HADHB: variants seen among roughly 807,000 people sequenced by gnomAD.
HADHB encodes hydroxyacyl-CoA dehydrogenase trifunctional multienzyme complex subunit beta.
In HADHB, 50 loss-of-function variants were observed where a neutral mutation model predicts 61.9. The ratio of observed to expected loss-of-function variants is 0.81; its 90% CI spans 0.64 to 1.02. The LOEUF (loss-of-function observed/expected upper bound fraction) is 1.02. HADHB is among the 50% of genes least tolerant of loss of function. The probability of loss-of-function intolerance (pLI) is 0.00; values close to 1 mark genes in which losing one functional copy is unlikely to be tolerated. For missense variants in HADHB, 504 were observed against 586.5 expected (o/e 0.86, Z 1.45); for synonymous variants, 191 against 201.6 (o/e 0.95, Z 0.45).
chr2:26,254,250 C>G lies in HADHB; in HGVS notation c.-5C>G, dbSNP rs768350854. On this transcript the variant is annotated 5_prime_UTR_variant, in exon 2 of 16. Transcript: ENST00000317799. The stretch of plus-strand genomic sequence containing the variant: ...ACTTTTGTTCTTCTCTTTTTAGATT[C>G]CAGAATGACTATCTTGACTTACCCC... 8.3e-7 allele frequency: 1 copy of G among 1,201,460 alleles called. No individual in the cohort carries two copies. Among genetic ancestry groups the G allele is most frequent in the South Asian group, 1.2e-5 (1 of 81,938 alleles). The allele number at this position is 1,201,460 out of a possible 1,614,324, so 74.4% of individuals were successfully genotyped here. A position where few individuals can be genotyped will look rare whatever the true frequency, so the allele number is the denominator to read the frequency against.
chr2:26,282,789 A>G, intron 10 of HADHB, 56 bp from the exon 11 acceptor site: 8 of 1,240,038 alleles, frequency 6.5e-6, no homozygotes, highest in Non-Finnish European at 9.5e-6. Context: ...AGATGGCTGG[A>G]GAAAGACCTC....
At chr2:26,270,113 G>A (rs1432939636) in intron 5 of HADHB, 116 bp downstream of exon 5, 3 of 779,044 alleles carry the variant, frequency 3.9e-6, no homozygotes, top group African/African-American at 3.4e-5. Flanking sequence ...ACAAATTTAA[G>A]CAGCTTATGA....
chr2:26,273,555 G>T, intron 5 of HADHB, 96 bp from the exon 6 acceptor site: 1 of 755,978 alleles, frequency 1.3e-6, no homozygotes. Flanking sequence ...TAAATTCAAG[G>T]CTAACCTTTT....
chr2:26,262,591 G>T (rs2147809231), intron 3 of HADHB, among the ~76,000 whole-genome samples: 1 of 152,270 alleles, frequency 6.6e-6, no homozygotes, highest in South Asian at 2.1e-4. Flanking sequence ...CCTAAAGGAA[G>T]TTTGCTTTTT....
At chr2:26,273,166 T>C (rs745753866) in intron 5 of HADHB, among the ~76,000 whole-genome samples, 3 of 152,198 alleles carry the variant, frequency 2.0e-5, no homozygotes, top group Non-Finnish European at 4.4e-5. Context: ...TAGTTTCTAT[T>C]CATGGGCACA....
At chr2:26,257,658 C>T (rs1334136472) in intron 3 of HADHB, among the ~76,000 whole-genome samples, 1 of 151,922 alleles carries the variant, frequency 6.6e-6, no homozygotes, top group Non-Finnish European at 1.5e-5. Context: ...GCAGCCCTAA[C>T]TAAGGCCCAC....
intron 5 of HADHB, among the ~76,000 whole-genome samples, chr2:26,271,117 G>A (rs369296452): frequency 7.4e-4 from 110 of 147,924 alleles, no homozygotes; most frequent in Non-Finnish European, 1.0e-3. Flanking sequence ...GGATGGTGTC[G>A]ATCTCCTGAC....
intron 12 of HADHB, among the ~76,000 whole-genome samples, chr2:26,283,760 T>C (rs1337756173): frequency 6.6e-6 from 1 of 152,218 alleles, no homozygotes; most frequent in Non-Finnish European, 1.5e-5. Context: ...TAGACTCTGT[T>C]CCGTTCCCTC....
chr2:26,271,849 A>G (rs1574657416), intron 5 of HADHB, among the ~76,000 whole-genome samples: 2 of 152,170 alleles, frequency 1.3e-5, no homozygotes, highest in African/African-American at 2.4e-5. Flanking sequence ...GCAGTGAGCT[A>G]TGATTCCACT....
At chr2:26,280,417 A>G (rs1053770785) in intron 10 of HADHB, among the ~76,000 whole-genome samples, 10 of 152,194 alleles carry the variant, frequency 6.6e-5, no homozygotes, top group Admixed American at 3.9e-4. Context: ...ATTGCAATAT[A>G]GTGAGATGCT....
chr2:26,273,514 A>G, intron 5 of HADHB, 137 bp from the exon 6 acceptor site: 1 of 673,176 alleles, frequency 1.5e-6, no homozygotes. Context: ...ATGCTTGTCA[A>G]ATTAAAGAAA....
intron 8 of HADHB, 148 bp from the exon 9 acceptor site, chr2:26,278,986 CT>C: frequency 1.1e-6 from 1 of 889,990 alleles, no homozygotes; most frequent in Non-Finnish European, 1.9e-6. Flanking sequence ...TTTAGAGATC[CT>C]CTTTAGAGAT....
chr2:26,254,738 C>T (rs1671539778), intron 3 of HADHB: 1 of 436,992 alleles, frequency 2.3e-6, no homozygotes. Flanking sequence ...GTTCCATAAA[C>T]CTCGTTGGTC....
intron 3 of HADHB, among the ~76,000 whole-genome samples, chr2:26,256,095 T>G (rs900675073): frequency 1.3e-5 from 2 of 152,260 alleles, no homozygotes; most frequent in Non-Finnish European, 2.9e-5. Context: ...TGTGAGTCTT[T>G]AGCTTTTTGG....
chr2:26,278,789 C>A lies in HADHB; in HGVS notation c.618C>A (p.Phe206Leu). Residue 206 changes from phenylalanine to leucine, a missense_variant, in exon 8 of 16, where the codon TTC (phenylalanine) becomes TTA (leucine). Transcript: ENST00000317799. The stretch of plus-strand genomic sequence containing the variant: ...TAATCTCTAAATTCCGATTTAATTT[C>A]CTAGCACCTGAGGTAAGGCTTGTGT... ...LSLISKFRFN[F>L]LAPELPAVSE... The A allele has an allele frequency of 6.2e-7, 1 of 1,613,942 alleles. No homozygotes were observed. The highest frequency in any genetic ancestry group is 8.5e-7 in the Non-Finnish European group (1 of 1,179,810).
intron 3 of HADHB, among the ~76,000 whole-genome samples, chr2:26,257,382 A>T (rs958824358): frequency 6.6e-6 from 1 of 151,358 alleles, no homozygotes; most frequent in South Asian, 2.1e-4. Flanking sequence ...GGCCTCCCAA[A>T]GTGCTGGGAT....
intron 4 of HADHB, among the ~76,000 whole-genome samples, chr2:26,268,280 C>T (rs1158139651): frequency 6.6e-6 from 1 of 152,172 alleles, no homozygotes. Flanking sequence ...CTCAGAGAAT[C>T]TCCCCCAAAA....
At chr2:26,249,893 C>T (rs1381010954) in intron 1 of HADHB, among the ~76,000 whole-genome samples, 1 of 151,974 alleles carries the variant, frequency 6.6e-6, no homozygotes, top group Admixed American at 6.6e-5. Flanking sequence ...TGGTTTAAAC[C>T]CTGGAGTTGG....
chr2:26,265,609 C>CAACAACAAA (rs1230274899), intron 4 of HADHB, among the ~76,000 whole-genome samples: 2 of 152,102 alleles, frequency 1.3e-5, no homozygotes, highest in Non-Finnish European at 2.9e-5. Flanking sequence ...ACAACAACAA[C>CAACAACAAA]AACAACAACA....
Sources: allele counts gnomAD v4.1 joint callset (sites outside exome capture counted in the v4.1 genomes callset), GRCh38; gene constraint gnomAD v4.1.1; transcripts MANE v1.5; gene names NCBI Gene and HGNC (gene_info 2026-07-23, HGNC 2026-07-21).